PLEKHA5: variants seen among roughly 807,000 people sequenced by gnomAD.
PLEKHA5 encodes the protein pleckstrin homology domain containing A5, also known as pleckstrin homology domain-containing family A member 5.
In PLEKHA5, 55 loss-of-function variants were observed where a neutral mutation model predicts 181.9. That is an observed-to-expected ratio of 0.30 (90% CI 0.24 to 0.38). The LOEUF is 0.38. Among genes scored for constraint, PLEKHA5 ranks in the 10% least tolerant of loss-of-function variants. PLEKHA5 has a pLI of 1.00. For synonymous variants in PLEKHA5, 535 were observed against 529.4 expected (o/e 1.01, Z -0.15); for missense variants, 1,432 against 1,549.5 (o/e 0.92, Z 1.27).
chr12:19,253,334 C>CA (rs2065925488), intron 3 of PLEKHA5, among the ~76,000 whole-genome samples: 2 of 151,356 alleles, frequency 1.3e-5, no homozygotes, highest in African/African-American at 4.8e-5. Context: ...CTTGGCGCTC[C>CA]AAAATGCTGG....
At chr12:19,353,459 ACT>A (rs1340512045) in intron 25 of PLEKHA5, among the ~76,000 whole-genome samples, 9 of 141,476 alleles carry the variant, frequency 6.4e-5, no homozygotes, top group African/African-American at 1.8e-4. Flanking sequence ...GCCCAGCCTG[ACT>A]CTTTTTTTTT....
chr12:19,253,495 A>G (rs943720816), intron 3 of PLEKHA5, among the ~76,000 whole-genome samples: 25 of 152,248 alleles, frequency 1.6e-4, no homozygotes, highest in African/African-American at 6.0e-4. Context: ...CTCTCAATAG[A>G]TAGTAGGAAA....
intron 7 of PLEKHA5, among the ~76,000 whole-genome samples, 162 bp downstream of exon 7, chr12:19,261,183 T>G (rs1019506665): frequency 6.6e-5 from 10 of 152,174 alleles, no homozygotes; most frequent in Non-Finnish European, 1.3e-4. Context: ...TTCTGAGTTT[T>G]GGGGTTATGA....
At chr12:19,359,683 G>A (rs2095125638) in intron 28 of PLEKHA5, 137 bp downstream of exon 28, 6 of 860,596 alleles carry the variant, frequency 7.0e-6, no homozygotes, top group Non-Finnish European at 1.1e-5. Flanking sequence ...AAGCTTTCTG[G>A]CCGGGCGCGG....
At chr12:19,306,885 C>G (rs556646093) in intron 15 of PLEKHA5, 1 of 804,532 alleles carries the variant, frequency 1.2e-6, no homozygotes, top group East Asian at 2.4e-5. Context: ...CCTGATAAGG[C>G]TAAGGCTTGT....
chr12:19,255,085 C>T lies in PLEKHA5; in HGVS notation c.352C>T (p.Pro118Ser), dbSNP rs911407536. 1 of 1,608,274 alleles carries T rather than the reference C, an allele frequency of 6.2e-7. No homozygotes were observed. The highest frequency in any genetic ancestry group is 1.7e-5 in the Admixed American group (1 of 59,900). ...GACATCTGAAGAAAAGAAGGAACGG[C>T]CAATAAGTATGATAAATGAAGCTTC... ...TMTSEEKKER[P>S]ISMINEASNY... The change falls in exon 5 of 32, where the codon CCA becomes TCA. Residue 118 changes from proline to serine, a missense_variant. Transcript: ENST00000429027.
chr12:19,171,807 T>C, intron 3 of PLEKHA5, among the ~76,000 whole-genome samples: 1 of 152,158 alleles, frequency 6.6e-6, no homozygotes, highest in East Asian at 1.9e-4. Flanking sequence ...TAAACTTTTT[T>C]GTTAGCTTTT....
intron 3 of PLEKHA5, among the ~76,000 whole-genome samples, chr12:19,178,793 C>G (rs183303322): frequency 6.6e-6 from 1 of 152,230 alleles, no homozygotes. Flanking sequence ...GCAGTGATGT[C>G]TGTGGATTGA....
At chr12:19,223,444 C>T (rs1326731570) in intron 3 of PLEKHA5, among the ~76,000 whole-genome samples, 3 of 152,018 alleles carry the variant, frequency 2.0e-5, no homozygotes, top group African/African-American at 7.2e-5. Flanking sequence ...CTTTAGAACA[C>T]CAGTAACTTA....
intron 15 of PLEKHA5, among the ~76,000 whole-genome samples, chr12:19,313,104 C>T (rs946886424): frequency 1.3e-5 from 2 of 151,974 alleles, no homozygotes; most frequent in African/African-American, 2.4e-5. Context: ...CTCTTATGAG[C>T]GAGGTTCCTG....
At chr12:19,333,334 C>A (rs549443084) in intron 20 of PLEKHA5, among the ~76,000 whole-genome samples, 1 of 151,694 alleles carries the variant, frequency 6.6e-6, no homozygotes. Flanking sequence ...AATCCCAGCA[C>A]TTTGGGAGGC....
At chr12:19,305,086 G>A (rs147519801) in intron 15 of PLEKHA5, among the ~76,000 whole-genome samples, 1 of 152,314 alleles carries the variant, frequency 6.6e-6, no homozygotes, top group Non-Finnish European at 1.5e-5. Context: ...AGCAGGAGGT[G>A]ATGTCATGAG....
intron 8 of PLEKHA5, among the ~76,000 whole-genome samples, chr12:19,268,348 TC>T (rs1173081016): frequency 6.6e-6 from 1 of 152,234 alleles, no homozygotes; most frequent in African/African-American, 2.4e-5. Flanking sequence ...AGGACTTTTT[TC>T]TGCGTTTTTA....
At position 19,251,269 on chromosome 12, in the gene PLEKHA5, G is replaced by A. The variant is rs566922741; in HGVS notation, c.228-2671G>A. Among the ~76,000 whole-genome samples, 6 of 152,034 alleles carry A rather than the reference G, an allele frequency of 3.9e-5. No homozygotes were observed. In the South Asian group the frequency reaches 1.2e-3, roughly 32 times the overall value. ...AAAATGGAAAAAATTAGCCAGGCAT[G>A]GTGACACACGCTCGTAATCCCAGCT... On this transcript the variant is annotated intron_variant, in intron 3 of 31. Coordinates refer to ENST00000429027, the MANE Select transcript of PLEKHA5 (RefSeq NM_001256470.2).
intron 3 of PLEKHA5, among the ~76,000 whole-genome samples, chr12:19,214,819 ATCAT>A (rs2057633702): frequency 6.6e-6 from 1 of 152,092 alleles, no homozygotes; most frequent in South Asian, 2.1e-4. Flanking sequence ...TGTTCATCAC[ATCAT>A]TCAATCTGCA....
In PLEKHA5 at chr12:19,276,041, A is replaced by C. The variant is rs1024259940; in HGVS notation, c.1313+1058A>C. 2.6e-5 allele frequency among the ~76,000 whole-genome samples: 4 copies of C among 152,206 alleles called. No individual in the cohort carries two copies. The East Asian group carries it at 5.8e-4, about 22-fold the overall frequency. The stretch of plus-strand genomic sequence containing the variant: ...CAACAGCACAATCTTAAGGATTCAG[A>C]GTCTAGGAAAACCTTTGTAGAGGAA... On this transcript the variant is annotated intron_variant, in intron 11 of 31. Transcript: ENST00000429027.
In PLEKHA5 at chr12:19,291,703, A is replaced by T; in HGVS notation, c.2037+6A>T. On this transcript the variant is annotated splice_donor_region_variant and intron_variant, in intron 15 of 31. Coordinates refer to ENST00000429027, the MANE Select transcript of PLEKHA5 (RefSeq NM_001256470.2). Reference sequence around the variant, plus strand: ...CCATATATTTGGATCATCAGGTGGGATTCATAGAGATTTTCTTACTTTTAA... The same window carrying T: ...CCATATATTTGGATCATCAGGTGGGTTTCATAGAGATTTTCTTACTTTTAA... 1 of 1,454,238 alleles carries T rather than the reference A, an allele frequency of 6.9e-7. No individual in the cohort carries two copies. The highest frequency in any genetic ancestry group is 9.3e-7 in the Non-Finnish European group (1 of 1,078,374). The allele number at this position is 1,454,238 out of a possible 1,614,324, so 90.1% of individuals were successfully genotyped here. A position where few individuals can be genotyped will look rare whatever the true frequency, so the allele number is the denominator to read the frequency against.
intron 3 of PLEKHA5, among the ~76,000 whole-genome samples, chr12:19,216,161 T>C (rs1444189457): frequency 6.6e-6 from 1 of 152,240 alleles, no homozygotes; most frequent in African/African-American, 2.4e-5. Flanking sequence ...TTTCCTTGAA[T>C]AGAATTTCTC....
intron 16 of PLEKHA5, 100 bp from the exon 17 acceptor site, chr12:19,319,921 G>T: frequency 2.9e-6 from 2 of 679,404 alleles, no homozygotes. Flanking sequence ...TATGAAATTT[G>T]ACTATCCATA....
Sources: allele counts gnomAD v4.1 joint callset (sites outside exome capture counted in the v4.1 genomes callset), GRCh38; gene constraint gnomAD v4.1.1; transcripts MANE v1.5; gene names NCBI Gene and HGNC (gene_info 2026-07-23, HGNC 2026-07-21).